Variants in MRPS31 observed in about 807,000 individuals in gnomAD.
MRPS31 encodes the protein small ribosomal subunit protein mS31.
A neutral mutation model predicts 43.1 loss-of-function variants in MRPS31; 32 were observed. The observed-to-expected ratio is 0.74, with a 90% CI of 0.56 to 1.00. MRPS31 has a LOEUF of 1.00. Among genes scored for constraint, MRPS31 ranks in the 50% least tolerant of loss-of-function variants. The probability of loss-of-function intolerance (pLI) is 0.00; values close to 1 mark genes in which losing one functional copy is unlikely to be tolerated. For missense variants in MRPS31, 437 were observed against 466.7 expected (o/e 0.94, Z 0.59); for synonymous variants, 165 against 161.6 (o/e 1.02, Z -0.16).
intron 6 of MRPS31, among the ~76,000 whole-genome samples, chr13:40,738,461 C>T (rs1879987632): frequency 6.6e-6 from 1 of 151,674 alleles, no homozygotes; most frequent in Non-Finnish European, 1.5e-5. Flanking sequence ...ATTCTGATAC[C>T]AAAGCCAGGC....
chr13:40,741,333 A>C (rs1176577987), intron 6 of MRPS31, among the ~76,000 whole-genome samples: 1 of 152,204 alleles, frequency 6.6e-6, no homozygotes, highest in African/African-American at 2.4e-5. Flanking sequence ...ACAAACTGGG[A>C]AACATATTTC....
chr13:40,764,130 C>G (rs961075085), intron 2 of MRPS31, among the ~76,000 whole-genome samples: 3 of 152,018 alleles, frequency 2.0e-5, no homozygotes, highest in Admixed American at 2.0e-4. Context: ...TTAGGCAGTT[C>G]ACAGTAACAT....
At chr13:40,731,703 C>T (rs1271907000) in intron 6 of MRPS31, among the ~76,000 whole-genome samples, 2 of 152,068 alleles carry the variant, frequency 1.3e-5, no homozygotes, top group Non-Finnish European at 2.9e-5. Flanking sequence ...GAGACTGGCA[C>T]AGTGGATATA....
chr13:40,741,493 T>C (rs1442567985), intron 6 of MRPS31, among the ~76,000 whole-genome samples: 1 of 152,102 alleles, frequency 6.6e-6, no homozygotes, highest in Non-Finnish European at 1.5e-5. Context: ...ATGAAAAGAT[T>C]TGTAATCTGG....
rs149401845 is a variant in MRPS31 at position 40,730,577 on chromosome 13, T to A, written c.959-976A>T. ...ATTGCCAATGATTATTTTTTTCTTT[T>A]GAGATAGAGTTTCACTCTTGTCGCC... On this transcript the variant is annotated intron_variant, in intron 6 of 6. Transcript: ENST00000323563. Among the ~76,000 whole-genome samples the A allele has an allele frequency of 1.2e-4, 18 of 152,290 alleles. No homozygotes were observed. The East Asian group carries it at 1.4e-3, about 11-fold the overall frequency.
intron 5 of MRPS31, among the ~76,000 whole-genome samples, chr13:40,752,992 C>T (rs1880432814): frequency 1.3e-5 from 2 of 152,166 alleles, no homozygotes; most frequent in African/African-American, 2.4e-5. Flanking sequence ...GTCTCAGCCT[C>T]CCAAGTCCAC....
At chr13:40,767,162 C>CT (rs5803065) in intron 1 of MRPS31, 129 bp from the exon 2 acceptor site, 17,353 of 571,432 alleles carry the variant, frequency 0.03, no homozygotes, top group Non-Finnish European at 0.037. Flanking sequence ...CTTTCCGTTG[C>CT]TTTTTTTTTT....
chr13:40,760,746 C>G (rs1184530554), intron 2 of MRPS31, among the ~76,000 whole-genome samples: 2 of 151,406 alleles, frequency 1.3e-5, no homozygotes, highest in East Asian at 1.9e-4. Context: ...GTGACTATAG[C>G]CAACTGCCAC....
chr13:40,762,047 G>A (rs1593277955), intron 2 of MRPS31, among the ~76,000 whole-genome samples: 1 of 151,668 alleles, frequency 6.6e-6, no homozygotes, highest in South Asian at 2.1e-4. Context: ...TTCATGACCA[G>A]CCTGGACAAC....
intron 5 of MRPS31, among the ~76,000 whole-genome samples, chr13:40,753,520 A>C (rs1028401678): frequency 3.3e-5 from 5 of 152,170 alleles, no homozygotes; most frequent in African/African-American, 9.7e-5. Flanking sequence ...AGTAACCCCC[A>C]CCAGGTTACT....
chr13:40,757,440 CTTTTTTT>C (rs11291870), intron 3 of MRPS31, among the ~76,000 whole-genome samples: 2 of 96,932 alleles, frequency 2.1e-5, no homozygotes, highest in East Asian at 7.5e-4. Flanking sequence ...CTATGTCTTC[CTTTTTTT>C]TTTTTTTTTT....
At chr13:40,758,540 T>C (rs1880599310) in intron 3 of MRPS31, among the ~76,000 whole-genome samples, 1 of 152,170 alleles carries the variant, frequency 6.6e-6, no homozygotes, top group African/African-American at 2.4e-5. Flanking sequence ...AGTGGAATGA[T>C]GTCAGATGAA....
chr13:40,733,238 A>T (rs1189265204), intron 6 of MRPS31, among the ~76,000 whole-genome samples: 5 of 151,960 alleles, frequency 3.3e-5, no homozygotes, highest in Non-Finnish European at 7.4e-5. Context: ...TCCTGACCTC[A>T]GGTGATCCGC....
intron 3 of MRPS31, among the ~76,000 whole-genome samples, chr13:40,758,070 GA>G (rs1200438731): frequency 2.0e-5 from 3 of 151,440 alleles, no homozygotes; most frequent in African/African-American, 7.3e-5. Context: ...GTGAACCGGG[GA>G]GGCGGAGCCT....
intron 6 of MRPS31, among the ~76,000 whole-genome samples, chr13:40,739,747 T>G (rs1208831400): frequency 1.3e-5 from 2 of 151,036 alleles, no homozygotes; most frequent in Non-Finnish European, 2.9e-5. Flanking sequence ...TGTAGAAAGC[T>G]GAAACTGGAT....
At chr13:40,767,158 G>A (rs964511502) in intron 1 of MRPS31, 125 bp from the exon 2 acceptor site, 40 of 750,416 alleles carry the variant, frequency 5.3e-5, no homozygotes, top group Non-Finnish European at 6.9e-5. Flanking sequence ...AGCCCTTTCC[G>A]TTGCTTTTTT....
chr13:40,762,207 G>C, intron 2 of MRPS31, among the ~76,000 whole-genome samples: 1 of 152,206 alleles, frequency 6.6e-6, no homozygotes, highest in African/African-American at 2.4e-5. Flanking sequence ...ACTCAAGCCT[G>C]GGGAATAGAG....
At chr13:40,735,081 T>C (rs1879843523) in intron 6 of MRPS31, among the ~76,000 whole-genome samples, 1 of 152,126 alleles carries the variant, frequency 6.6e-6, no homozygotes, top group Non-Finnish European at 1.5e-5. Context: ...TGCGCGCACC[T>C]TGCGCGAGCC....
chr13:40,770,904 T>C (rs1197895308), intron 1 of MRPS31, 81 bp downstream of exon 1: 77 of 1,557,472 alleles, frequency 4.9e-5, no homozygotes, highest in Non-Finnish European at 6.8e-5. Context: ...CAATAGCTTC[T>C]AAGACCCAGC....
Sources: gnomAD v4.1 joint callset for allele counts (sites outside exome capture counted in the v4.1 genomes callset) on GRCh38, gnomAD v4.1.1 for gene constraint, MANE v1.5 for transcripts, NCBI Gene and HGNC (gene_info 2026-07-23, HGNC 2026-07-21) for gene names.